MAD1L1: variants seen among roughly 807,000 people sequenced by gnomAD.
MAD1L1 encodes the protein mitotic arrest deficient 1 like 1, also known as mitotic spindle assembly checkpoint protein MAD1.
Under a neutral mutation model 96.9 loss-of-function variants are expected in MAD1L1, and 95 were observed. The observed-to-expected ratio is 0.98, with a 90% CI of 0.83 to 1.16. The LOEUF (loss-of-function observed/expected upper bound fraction) is 1.16. Among genes scored for constraint, MAD1L1 ranks in the 50% most tolerant of loss-of-function variants. The probability of loss-of-function intolerance (pLI) is 0.00; values close to 1 mark genes in which losing one functional copy is unlikely to be tolerated. For missense variants in MAD1L1, 1,007 were observed against 954.4 expected (o/e 1.06, Z -0.73); for synonymous variants, 473 against 396.6 (o/e 1.19, Z -2.29).
rs1313793844 is a variant in MAD1L1, at chr7:2,073,040, C to T, written c.1074-3702G>A. Reference sequence around the variant, plus strand: ...AGAGCCAGGGGCCAAGACTGGGTCCCAGGAACTGGATGTGGCCTGAGCTGC... The same window carrying T: ...AGAGCCAGGGGCCAAGACTGGGTCCTAGGAACTGGATGTGGCCTGAGCTGC... On this transcript the variant is annotated intron_variant, in intron 11 of 18. Transcript: ENST00000265854. Among the ~76,000 whole-genome samples, 3 of 152,316 alleles carry T rather than the reference C, an allele frequency of 2.0e-5. No individual in the cohort carries two copies. The East Asian group carries it at 5.8e-4, about 29-fold the overall frequency.
chr7:1,839,624 T>A (rs1234409409), intron 18 of MAD1L1, among the ~76,000 whole-genome samples: 1 of 152,166 alleles, frequency 6.6e-6, no homozygotes, highest in African/African-American at 2.4e-5. Context: ...TTCTAACAGT[T>A]TAAACGCGCG....
intron 18 of MAD1L1, among the ~76,000 whole-genome samples, chr7:1,881,379 G>A (rs568720296): frequency 2.8e-4 from 42 of 152,128 alleles, no homozygotes; most frequent in African/African-American, 1.0e-3. Context: ...AGCATAAATG[G>A]GTTAATAATT....
chr7:2,014,739 G>A lies in MAD1L1; in HGVS notation c.1219-97C>T, dbSNP rs868842197. On this transcript the variant is annotated intron_variant, in intron 12 of 18. Coordinates refer to ENST00000265854, the MANE Select transcript of MAD1L1 (RefSeq NM_001013836.2). ...AGGCCCCACGAGAGCTGGGTCACGC[G>A]GGGGCTCCCTCGTGAGGACCCAGGC... is the stretch of plus-strand genomic sequence containing the variant. The A allele has an allele frequency of 2.9e-4, 405 of 1,384,256 alleles. 1 individual carries two copies. Among genetic ancestry groups the A allele is most frequent in the Non-Finnish European group, 3.4e-4 (352 of 1,044,974 alleles). 85.7% of individuals were successfully genotyped at this position (1,384,256 alleles called of 1,614,324 possible).
intron 10 of MAD1L1, among the ~76,000 whole-genome samples, chr7:2,180,846 G>C (rs1483931153): frequency 6.6e-6 from 1 of 152,078 alleles, no homozygotes; most frequent in East Asian, 1.9e-4. Flanking sequence ...TGCAAATAGA[G>C]ACAGTTTTCT....
intron 10 of MAD1L1, among the ~76,000 whole-genome samples, chr7:2,195,420 A>G (rs1791936434): frequency 6.6e-6 from 1 of 152,254 alleles, no homozygotes; most frequent in African/African-American, 2.4e-5. Context: ...CAATGCAGGA[A>G]AAGTAAAAAC....
chr7:2,094,770 A>G (rs1183965543), intron 11 of MAD1L1, among the ~76,000 whole-genome samples: 3 of 152,186 alleles, frequency 2.0e-5, no homozygotes, highest in East Asian at 1.9e-4. Flanking sequence ...ACTCCAACCA[A>G]CGAAACCACA....
chr7:1,946,305 C>A (rs1250498795), intron 16 of MAD1L1, among the ~76,000 whole-genome samples: 1 of 152,186 alleles, frequency 6.6e-6, no homozygotes, highest in East Asian at 1.9e-4. Context: ...ACCCCACCCA[C>A]CTAGGGCGCT....
intron 10 of MAD1L1, among the ~76,000 whole-genome samples, chr7:2,187,332 C>T (rs1791508415): frequency 6.6e-6 from 1 of 150,786 alleles, no homozygotes; most frequent in African/African-American, 2.5e-5. Context: ...CTGGGTGACA[C>T]AGCAAGACTC....
At chr7:1,976,792 G>A (rs939641974) in intron 15 of MAD1L1, among the ~76,000 whole-genome samples, 1 of 150,344 alleles carries the variant, frequency 6.7e-6, no homozygotes, top group African/African-American at 2.5e-5. Flanking sequence ...TACAAACCTT[G>A]AGGTAGACAC....
Position 2,069,333 on chromosome 7 carries a change from C to A in MAD1L1, c.1079G>T (p.Arg360Leu). Residue 360 changes from arginine (R) to leucine (L), a missense_variant, in exon 12 of 19, where the codon CGG becomes CTG. Physicochemically the swap from Arg to Leu is moderately radical, Grantham distance 102 (BLOSUM62 -2). Transcript: ENST00000265854. ...CTGCTGCCTGGCCTTCTCCAGCCCC[C>A]GGGCGCTGCATGGGAGAGACAAGAG... ...DKNSAVTSSA[R>L]GLEKARQQLQ... 1 of 1,595,350 alleles carries A rather than the reference C, an allele frequency of 6.3e-7. No homozygotes were observed. Among genetic ancestry groups the A allele is most frequent in the South Asian group, 1.1e-5 (1 of 88,744 alleles).
chr7:2,104,369 C>T (rs552807987), intron 11 of MAD1L1, among the ~76,000 whole-genome samples: 3 of 152,212 alleles, frequency 2.0e-5, no homozygotes, highest in Non-Finnish European at 2.9e-5. Flanking sequence ...AGAGCCGTCA[C>T]GGCGGCGCAA....
intron 10 of MAD1L1, among the ~76,000 whole-genome samples, chr7:2,184,485 A>G (rs1250693990): frequency 6.6e-6 from 1 of 152,180 alleles, no homozygotes; most frequent in East Asian, 1.9e-4. Flanking sequence ...ACCACCTTGG[A>G]AGACAGTTTG....
intron 10 of MAD1L1, among the ~76,000 whole-genome samples, chr7:2,211,828 G>A (rs560276859): frequency 4.6e-5 from 7 of 152,336 alleles, no homozygotes; most frequent in South Asian, 4.1e-4. Flanking sequence ...ACCAGCAGTC[G>A]GACGGTGTGG....
intron 17 of MAD1L1, among the ~76,000 whole-genome samples, chr7:1,900,881 T>C (rs1032715240): frequency 3.3e-5 from 5 of 152,134 alleles, no homozygotes; most frequent in South Asian, 2.1e-4. Context: ...TGCCCACCCA[T>C]AGCAGGTTGG....
At chr7:2,074,745 G>A (rs1785296308) in intron 11 of MAD1L1, among the ~76,000 whole-genome samples, 1 of 152,250 alleles carries the variant, frequency 6.6e-6, no homozygotes, top group African/African-American at 2.4e-5. Flanking sequence ...GGAGCTGCGA[G>A]GCAACAACTC....
intron 18 of MAD1L1, among the ~76,000 whole-genome samples, chr7:1,869,728 C>T (rs1044308254): frequency 6.6e-6 from 1 of 152,172 alleles, no homozygotes; most frequent in South Asian, 2.1e-4. Flanking sequence ...TTGAGGGGGC[C>T]GAGGACCACA....
intron 15 of MAD1L1, among the ~76,000 whole-genome samples, chr7:1,963,025 C>G (rs1297539801): frequency 1.3e-5 from 2 of 152,196 alleles, no homozygotes; most frequent in Non-Finnish European, 1.5e-5. Context: ...AAGCTGCACA[C>G]CAACTACTCT....
At chr7:1,856,340 A>G (rs1784249564) in intron 18 of MAD1L1, among the ~76,000 whole-genome samples, 1 of 152,192 alleles carries the variant, frequency 6.6e-6, no homozygotes, top group Non-Finnish European at 1.5e-5. Flanking sequence ...CTCTGGGCTC[A>G]GCCTGTCCCA....
chr7:1,912,453 C>G (rs1788081504), intron 17 of MAD1L1, among the ~76,000 whole-genome samples: 1 of 152,240 alleles, frequency 6.6e-6, no homozygotes, highest in African/African-American at 2.4e-5. Flanking sequence ...GTGGCCACTG[C>G]AGAGACTGCA....
Sources: allele counts gnomAD v4.1 joint callset (sites outside exome capture counted in the v4.1 genomes callset), GRCh38; gene constraint gnomAD v4.1.1; transcripts MANE v1.5; gene names NCBI Gene and HGNC (gene_info 2026-07-23, HGNC 2026-07-21).